The following TET1 variants were observed in gnomAD, a reference collection of about 807,000 sequenced individuals.
TET1 encodes the protein tet methylcytosine dioxygenase 1, also known as methylcytosine dioxygenase TET1.
TET1 carries 13 observed loss-of-function variants against 148.7 expected under a neutral mutation model. That is an observed-to-expected ratio of 0.09 (90% CI 0.06 to 0.14). TET1 has a LOEUF of 0.14. Ranked by LOEUF, TET1 falls within the 10% of genes least tolerant of loss-of-function variation. The pLI is 1.00. For synonymous variants in TET1, 907 were observed against 937.2 expected (o/e 0.97, Z 0.59); for missense variants, 2,182 against 2,553.8 (o/e 0.85, Z 3.14).
intron 3 of TET1, among the ~76,000 whole-genome samples, chr10:68,634,605 G>T (rs2054623051): frequency 6.6e-6 from 1 of 152,158 alleles, no homozygotes; most frequent in African/African-American, 2.4e-5. Flanking sequence ...CCTGGTTCTT[G>T]ATACTGATCT....
chr10:68,692,565 G>A lies in TET1; in HGVS notation c.*751G>A, dbSNP rs1380548444. The stretch of plus-strand genomic sequence containing the variant: ...GTAGAGTTCCATCTTGTTAACTGCA[G>A]TATGTATTCTAATCATGTATATGGT... On this transcript the variant is annotated 3_prime_UTR_variant, in exon 12 of 12. Coordinates refer to ENST00000373644, the MANE Select transcript of TET1 (RefSeq NM_030625.3). 1 of 232,294 alleles carries A rather than the reference G, an allele frequency of 4.3e-6. No individual in the cohort carries two copies. The highest frequency in any genetic ancestry group is 1.8e-4 in the South Asian group (1 of 5,506). The allele number at this position is 232,294 out of a possible 1,614,324, so 14.4% of individuals were successfully genotyped here.
At chr10:68,587,859 TA>T (rs2053877282) in intron 2 of TET1, among the ~76,000 whole-genome samples, 1 of 152,238 alleles carries the variant, frequency 6.6e-6, no homozygotes, top group East Asian at 1.9e-4. Flanking sequence ...GAATGGGAAA[TA>T]GAAACACGTC....
intron 1 of TET1, among the ~76,000 whole-genome samples, chr10:68,561,736 C>G (rs2053556848): frequency 7.3e-6 from 1 of 136,450 alleles, no homozygotes; most frequent in South Asian, 2.8e-4. Flanking sequence ...CCTCTCTCGC[C>G]CCAGGCTCTT....
At chr10:68,684,679 T>C (rs533412986) in intron 10 of TET1, among the ~76,000 whole-genome samples, 2 of 152,120 alleles carry the variant, frequency 1.3e-5, no homozygotes, top group African/African-American at 2.4e-5. Context: ...TCACTCCAAA[T>C]TCCCCCATCT....
At chr10:68,605,342 G>C (rs988749861) in intron 3 of TET1, among the ~76,000 whole-genome samples, 1 of 152,002 alleles carries the variant, frequency 6.6e-6, no homozygotes, top group Non-Finnish European at 1.5e-5. Flanking sequence ...GGGTAGTGGC[G>C]CATGCCTGTA....
intron 3 of TET1, among the ~76,000 whole-genome samples, chr10:68,641,070 T>C (rs1256804053): frequency 6.6e-6 from 1 of 151,270 alleles, no homozygotes; most frequent in Admixed American, 6.7e-5. Context: ...CAGGAGTAAC[T>C]GTGACAGGTT....
chr10:68,686,451 A>G lies in TET1; in HGVS notation c.5148A>G (p.Thr1716=). The change falls in exon 11 of 12, where the codon ACA becomes ACG. Residue 1716 remains threonine, a synonymous_variant. Coordinates refer to ENST00000373644, the MANE Select transcript of TET1 (RefSeq NM_030625.3). The part of the protein sequence containing the change: ...HVLPLYKLSD[T]DEFGSKEGME... ...TACCTCTTTATAAGCTTTCAGACAC[A>G]GATGAGTTTGGCTCCAAGGAAGGAA... is the stretch of plus-strand genomic sequence containing the variant. 1 of 1,614,206 alleles carries G rather than the reference A, an allele frequency of 6.2e-7. No individual in the cohort carries two copies. The highest frequency in any genetic ancestry group is 8.5e-7 in the Non-Finnish European group (1 of 1,180,038).
intron 2 of TET1, among the ~76,000 whole-genome samples, chr10:68,580,011 C>T (rs2053774523): frequency 6.6e-6 from 1 of 151,840 alleles, no homozygotes; most frequent in Admixed American, 6.6e-5. Flanking sequence ...TCACTGGAAC[C>T]TCTGCCTCCC....
intron 3 of TET1, among the ~76,000 whole-genome samples, chr10:68,619,516 A>G (rs1437599733): frequency 6.6e-6 from 1 of 152,134 alleles, no homozygotes; most frequent in Non-Finnish European, 1.5e-5. Context: ...GCACCCAACC[A>G]CGCCCATTCA....
intron 6 of TET1, among the ~76,000 whole-genome samples, chr10:68,660,143 C>T (rs2055084423): frequency 6.6e-6 from 1 of 152,038 alleles, no homozygotes; most frequent in East Asian, 1.9e-4. Flanking sequence ...TTGTATGCTG[C>T]CCAGATCATT....
At chr10:68,624,424 G>C (rs2054422207) in intron 3 of TET1, among the ~76,000 whole-genome samples, 1 of 152,060 alleles carries the variant, frequency 6.6e-6, no homozygotes, top group Admixed American at 6.6e-5. Context: ...CGAGTAGCTG[G>C]GATTACAGGC....
intron 9 of TET1, among the ~76,000 whole-genome samples, chr10:68,682,445 G>A (rs750091786): frequency 6.6e-6 from 1 of 152,084 alleles, no homozygotes; most frequent in Non-Finnish European, 1.5e-5. Flanking sequence ...GTTACAAATT[G>A]ACTTTCAGTA....
intron 9 of TET1, among the ~76,000 whole-genome samples, chr10:68,681,708 T>G (rs1292552071): frequency 6.6e-6 from 1 of 152,150 alleles, no homozygotes; most frequent in Admixed American, 6.5e-5. Context: ...AGCTCACGCC[T>G]GTAATCCCAG....
chr10:68,690,821 G>GGTCTC lies in TET1; in HGVS notation c.5418_5419insGTCTC (p.Thr1807ValfsTer8). ...GTCCTTGTTTAGGGAGTAACACTGA[G>GGTCTC]ACCGTGCAACCTGAAGTAAAAAGTG... On this transcript the variant is annotated frameshift_variant, in exon 12 of 12. Transcript: ENST00000373644. LOFTEE classifies it low-confidence loss of function (END_TRUNC). 6.2e-7 allele frequency: 1 copy of GGTCTC among 1,605,302 alleles called. No homozygotes were observed. Among genetic ancestry groups the GGTCTC allele is most frequent in the Non-Finnish European group, 8.5e-7 (1 of 1,173,758 alleles).
intron 10 of TET1, 63 bp from the exon 11 acceptor site, chr10:68,686,293 A>T: frequency 7.2e-7 from 1 of 1,389,696 alleles, no homozygotes; most frequent in Non-Finnish European, 9.8e-7. Context: ...GAAGGTAGGA[A>T]TAGCCACAAT....
Position 68,604,286 on chromosome 10 carries a change from A to G in TET1, c.1968+3252A>G, listed in dbSNP as rs149688861. 3.9e-3 allele frequency among the ~76,000 whole-genome samples: 592 copies of G among 152,324 alleles called. 2 individuals carry two copies. Among genetic ancestry groups the G allele is most frequent in the African/African-American group, 0.014 (574 of 41,568 alleles). Reference sequence around the variant, plus strand: ...ATGATAATAGTTTTGTTAGATTGTTAGTCATTGTCCCTGGAGAAAATCAGA... The same window carrying G: ...ATGATAATAGTTTTGTTAGATTGTTGGTCATTGTCCCTGGAGAAAATCAGA... On this transcript the variant is annotated intron_variant, in intron 3 of 11. Coordinates refer to ENST00000373644, the MANE Select transcript of TET1 (RefSeq NM_030625.3).
At chr10:68,637,882 A>AG (rs2054678629) in intron 3 of TET1, among the ~76,000 whole-genome samples, 1 of 151,470 alleles carries the variant, frequency 6.6e-6, no homozygotes, top group African/African-American at 2.4e-5. Flanking sequence ...AAAAAAAAAA[A>AG]GATTCTAGTA....
intron 3 of TET1, among the ~76,000 whole-genome samples, chr10:68,613,584 A>G (rs2054247174): frequency 6.6e-6 from 1 of 152,190 alleles, no homozygotes; most frequent in Admixed American, 6.6e-5. Context: ...TTCATTGAAA[A>G]AACAACATGG....
intron 2 of TET1, among the ~76,000 whole-genome samples, chr10:68,588,285 A>G (rs1264481129): frequency 6.6e-6 from 1 of 152,232 alleles, no homozygotes; most frequent in Non-Finnish European, 1.5e-5. Context: ...GCTCAGCCTT[A>G]TTCAGTATTT....
Sources: gnomAD v4.1 joint callset for allele counts (sites outside exome capture counted in the v4.1 genomes callset) on GRCh38, gnomAD v4.1.1 for gene constraint, MANE v1.5 for transcripts, NCBI Gene and HGNC (gene_info 2026-07-23, HGNC 2026-07-21) for gene names.